QSOX2: variants seen among roughly 807,000 people sequenced by gnomAD.
QSOX2 encodes quiescin sulfhydryl oxidase 2.
In QSOX2, 46 loss-of-function variants were observed where a neutral mutation model predicts 61.7. That is an observed-to-expected ratio of 0.75 (90% CI 0.59 to 0.95). The LOEUF (loss-of-function observed/expected upper bound fraction) is 0.95, where lower values mean the gene tolerates loss of function less well. QSOX2 is among the 40% of genes least tolerant of loss of function. QSOX2 has a pLI of 0.00. For synonymous variants in QSOX2, 383 were observed against 388.4 expected (o/e 0.99, Z 0.16); for missense variants, 879 against 918.9 (o/e 0.96, Z 0.56).
At position 136,228,011 on chromosome 9, in the gene QSOX2, G is replaced by A. The variant is rs1343728618; in HGVS notation, c.329-1137C>T. The stretch of plus-strand genomic sequence containing the variant: ...AGTTTGTTTGAATCAAGATCCCAGC[G>A]AGGCTTGTTGGTTACTGCTGGTGGG... On this transcript the variant is annotated intron_variant, in intron 1 of 11. Transcript: ENST00000358701. Among the ~76,000 whole-genome samples, 12 of 152,268 alleles carry A rather than the reference G, an allele frequency of 7.9e-5. No individual in the cohort carries two copies. In the East Asian group the frequency reaches 2.1e-3, roughly 27 times the overall value.
intron 6 of QSOX2, among the ~76,000 whole-genome samples, chr9:136,220,484 C>T (rs1213669605): frequency 6.6e-6 from 1 of 152,238 alleles, no homozygotes; most frequent in African/African-American, 2.4e-5. Flanking sequence ...CACCTCGGAG[C>T]CCGGCGTGGT....
Position 136,238,701 on chromosome 9 carries a change from G to C in QSOX2, c.328+6775C>G, listed in dbSNP as rs1044573155. On this transcript the variant is annotated intron_variant, in intron 1 of 11. Coordinates refer to ENST00000358701, the MANE Select transcript of QSOX2 (RefSeq NM_181701.4). Reference sequence around the variant, plus strand: ...TCTTCAGTTCTCCAGAGAGCAGCCAGAGAGTTTTACCTAGAAACCAGGTTT... The same window carrying C: ...TCTTCAGTTCTCCAGAGAGCAGCCACAGAGTTTTACCTAGAAACCAGGTTT... Among the ~76,000 whole-genome samples the C allele has an allele frequency of 3.3e-5, 5 of 152,260 alleles. No individual in the cohort carries two copies. In the East Asian group the frequency reaches 7.7e-4, roughly 23 times the overall value.
chr9:136,212,084 C>A (rs556260287), intron 10 of QSOX2, among the ~76,000 whole-genome samples: 7 of 152,316 alleles, frequency 4.6e-5, no homozygotes, highest in Non-Finnish European at 8.8e-5. Flanking sequence ...TTTGTGCCAC[C>A]GAACGTATTA....
At position 136,209,030 on chromosome 9, in the gene QSOX2, C is replaced by G; in HGVS notation, c.1795G>C (p.Val599Leu). ...TGGGTGTCTCGGTCTCCATGGGACA[C>G]CTCTGGGGGAGTGAGTCTTTTCTCC... ...EEEKRLTPPE[V>L]SHGDRDTQSV... Residue 599 changes from valine (V) to leucine (L), a missense_variant, in exon 12 of 12, where the codon GTG becomes CTG. Transcript: ENST00000358701. The surrounding 1 kb of genome is among the most constrained non-coding windows in gnomAD (Gnocchi z 5.6). 1 of 1,614,114 alleles carries G rather than the reference C, an allele frequency of 6.2e-7. No homozygotes were observed. Among genetic ancestry groups the G allele is most frequent in the Non-Finnish European group, 8.5e-7 (1 of 1,179,996 alleles).
Position 136,208,085 on chromosome 9 carries a change from CACCCGGAGGA to C in QSOX2, c.*633_*642del, listed in dbSNP as rs909515540. On this transcript the variant is annotated 3_prime_UTR_variant, in exon 12 of 12. Coordinates refer to ENST00000358701, the MANE Select transcript of QSOX2 (RefSeq NM_181701.4). ...TGAAATCCCCACGTCTGGTGTCGAACACCCGGAGGAACAAGGAGAGCCCTCAGGAACCTGC... is the reference window on the plus strand; with the variant it reads ...TGAAATCCCCACGTCTGGTGTCGAACACAAGGAGAGCCCTCAGGAACCTGC... 6.6e-6 allele frequency: 1 copy of C among 152,102 alleles called. No individual in the cohort carries two copies. Among genetic ancestry groups the C allele is most frequent in the African/African-American group, 2.4e-5 (1 of 41,300 alleles). The allele number at this position is 152,102 out of a possible 1,614,324, so 9.4% of individuals were successfully genotyped here. A position where few individuals can be genotyped will look rare whatever the true frequency, so the allele number is the denominator to read the frequency against.
chr9:136,238,854 C>T (rs1028771535), intron 1 of QSOX2, among the ~76,000 whole-genome samples: 3 of 152,356 alleles, frequency 2.0e-5, no homozygotes, highest in South Asian at 4.1e-4. Flanking sequence ...CGACCAAGAC[C>T]CTATCAAAGT....
chr9:136,211,955 G>C (rs930983165), intron 10 of QSOX2, among the ~76,000 whole-genome samples: 1 of 152,234 alleles, frequency 6.6e-6, no homozygotes, highest in Non-Finnish European at 1.5e-5. Context: ...AGCCCTGCAG[G>C]ACACCAGCCC....
intron 1 of QSOX2, among the ~76,000 whole-genome samples, chr9:136,234,030 G>C (rs1156742619): frequency 6.6e-6 from 1 of 152,122 alleles, no homozygotes; most frequent in Non-Finnish European, 1.5e-5. Context: ...CTGCAACCTG[G>C]GGCAGGACAA....
intron 10 of QSOX2, among the ~76,000 whole-genome samples, chr9:136,211,766 A>G (rs1397554323): frequency 1.3e-5 from 2 of 152,152 alleles, no homozygotes; most frequent in Non-Finnish European, 2.9e-5. Context: ...GAGCCCTTCC[A>G]GGGGCGCCTC....
At chr9:136,224,978 A>G in intron 2 of QSOX2, 69 bp from the exon 3 acceptor site, 1 of 1,162,370 alleles carries the variant, frequency 8.6e-7, no homozygotes, top group South Asian at 1.4e-5. Flanking sequence ...TTAAGCAACA[A>G]AACGCCCGTC....
chr9:136,213,710 G>A (rs1467671595), intron 10 of QSOX2, among the ~76,000 whole-genome samples: 1 of 152,100 alleles, frequency 6.6e-6, no homozygotes, highest in African/African-American at 2.4e-5. Flanking sequence ...CACGAATTTA[G>A]GCTGGGTCAA....
chr9:136,245,431 G>A, intron 1 of QSOX2, 45 bp downstream of exon 1: 2 of 1,518,540 alleles, frequency 1.3e-6, no homozygotes, highest in Non-Finnish European at 1.8e-6. Context: ...CCGGAAGGCC[G>A]CGGTCCCGGG....
At chr9:136,229,523 G>A (rs1830311760) in intron 1 of QSOX2, among the ~76,000 whole-genome samples, 1 of 152,040 alleles carries the variant, frequency 6.6e-6, no homozygotes, top group Non-Finnish European at 1.5e-5. Flanking sequence ...TTAAAAAAAA[G>A]CACCTTTGTG....
intron 1 of QSOX2, among the ~76,000 whole-genome samples, chr9:136,234,245 C>T (rs1477258124): frequency 1.3e-5 from 2 of 152,256 alleles, no homozygotes; most frequent in Non-Finnish European, 2.9e-5. Context: ...ACGTGTAACA[C>T]ACAAAGTTTG....
In QSOX2 at chr9:136,218,793, C is replaced by G. The variant is rs777836530; in HGVS notation, c.972G>C (p.Thr324=). Reference sequence around the variant, plus strand: ...AGTGTAGCCCTGACTCCAGGTCCACCGTGTACAGCTTCGACCTAGGACGGG... The same window carrying G: ...AGTGTAGCCCTGACTCCAGGTCCACGGTGTACAGCTTCGACCTAGGACGGG... ...WREFDKSKLY[T]VDLESGLHYL... Residue 324 remains threonine (T), a synonymous_variant, in exon 8 of 12, where the codon ACG becomes ACC. Coordinates refer to ENST00000358701, the MANE Select transcript of QSOX2 (RefSeq NM_181701.4). 1 of 1,613,456 alleles carries G rather than the reference C, an allele frequency of 6.2e-7. No homozygotes were observed. Among genetic ancestry groups the G allele is most frequent in the East Asian group, 2.2e-5 (1 of 44,872 alleles).
At chr9:136,210,218 G>C in intron 11 of QSOX2, 3 of 985,490 alleles carry the variant, frequency 3.0e-6, no homozygotes, top group Non-Finnish European at 3.6e-6. Flanking sequence ...CGCCAGCCCT[G>C]GGCAGAAGAC....
rs752041728 is a variant in QSOX2 at position 136,223,732 on chromosome 9, G to A, written c.675+31C>T. 1.5e-5 allele frequency: 24 copies of A among 1,581,300 alleles called. No individual in the cohort carries two copies. The Admixed American group carries it at 4.1e-4, about 27-fold the overall frequency. On this transcript the variant is annotated intron_variant, in intron 5 of 11. Transcript: ENST00000358701. The surrounding 1 kb of genome is among the most constrained non-coding windows in gnomAD (Gnocchi z 4.4). ...ACCGCCAACCCCAATCACACCACGTGTGACACCTGGAGCCCACGCAGAGGC... is the reference window on the plus strand; with the variant it reads ...ACCGCCAACCCCAATCACACCACGTATGACACCTGGAGCCCACGCAGAGGC...
At chr9:136,224,995 G>A (rs1830266739) in intron 2 of QSOX2, 86 bp from the exon 3 acceptor site, 1 of 889,142 alleles carries the variant, frequency 1.1e-6, no homozygotes. Flanking sequence ...CGTCACCTTA[G>A]AGGGAGCTTT....
At position 136,222,022 on chromosome 9, in the gene QSOX2, C is replaced by T; in HGVS notation, c.676-81G>A. 1.4e-6 allele frequency: 2 copies of T among 1,392,014 alleles called. No individual in the cohort carries two copies. 86.2% of individuals were successfully genotyped at this position (1,392,014 alleles called of 1,614,324 possible). ...CACGACGTGCAGACACATGGCCTTG[C>T]AGGGAACCTTTCACAAAAGGGCATG... On this transcript the variant is annotated intron_variant, in intron 5 of 11. Transcript: ENST00000358701. This position sits in a 1 kb window ranked among gnomAD's most constrained non-coding sequence, Gnocchi z 6.9.
Sources: gnomAD v4.1 joint callset for allele counts (sites outside exome capture counted in the v4.1 genomes callset) on GRCh38, gnomAD v4.1.1 for gene constraint, Gnocchi (gnomAD v3.1) non-coding constraint, MANE v1.5 for transcripts, NCBI Gene and HGNC (gene_info 2026-07-23, HGNC 2026-07-21) for gene names.